The following SHTN1 variants were observed in gnomAD, a reference collection of about 807,000 sequenced individuals.
SHTN1 encodes the protein shootin 1.
In SHTN1, 42 loss-of-function variants were observed where a neutral mutation model predicts 83.1. The ratio of observed to expected loss-of-function variants is 0.51; its 90% CI spans 0.39 to 0.65. The LOEUF (loss-of-function observed/expected upper bound fraction) is 0.65. Among genes scored for constraint, SHTN1 ranks in the 30% least tolerant of loss-of-function variants. The pLI is 0.00. For missense variants in SHTN1, 622 were observed against 737.8 expected (o/e 0.84, Z 1.82); for synonymous variants, 224 against 247.7 (o/e 0.90, Z 0.90).
chr10:116,932,468 C>T (rs1427172490), intron 9 of SHTN1, among the ~76,000 whole-genome samples: 1 of 152,126 alleles, frequency 6.6e-6, no homozygotes, highest in African/African-American at 2.4e-5. Context: ...CCATCCCCCA[C>T]CCTCTTCCCT....
At position 116,944,996 on chromosome 10, in the gene SHTN1, C is replaced by T. The variant is rs1194199434; in HGVS notation, c.639G>A (p.Glu213=). ...CCAGGTTTACTTGCATCTCCTCATACTCTTCTACAGCTAACATGGACACTT... is the reference window on the plus strand; with the variant it reads ...CCAGGTTTACTTGCATCTCCTCATATTCTTCTACAGCTAACATGGACACTT... ...CNRVSMLAVE[E]YEEMQVNLEL... The change falls in exon 8 of 17, where the codon GAG becomes GAA. Residue 213 remains glutamate (E), a synonymous_variant. Coordinates refer to ENST00000355371, the MANE Select transcript of SHTN1 (RefSeq NM_001127211.3). 1 of 1,607,650 alleles carries T rather than the reference C, an allele frequency of 6.2e-7. No homozygotes were observed. The highest frequency in any genetic ancestry group is 8.5e-7 in the Non-Finnish European group (1 of 1,174,358).
intron 1 of SHTN1, among the ~76,000 whole-genome samples, chr10:117,087,107 T>G (rs965874842): frequency 1.3e-5 from 2 of 152,122 alleles, no homozygotes; most frequent in African/African-American, 2.4e-5. Flanking sequence ...AGGGTCTGGA[T>G]AGAGGAAGAA....
chr10:116,888,075 G>A (rs1338046869), intron 16 of SHTN1, among the ~76,000 whole-genome samples: 7 of 152,100 alleles, frequency 4.6e-5, no homozygotes, highest in Admixed American at 3.3e-4. Flanking sequence ...TGTGTGGCTC[G>A]GTCATCATCC....
chr10:116,976,644 T>C (rs975997502), intron 2 of SHTN1, among the ~76,000 whole-genome samples: 5 of 152,188 alleles, frequency 3.3e-5, no homozygotes, highest in African/African-American at 4.8e-5. Context: ...AAAATGCTGT[T>C]CTCCATTTAC....
At chr10:117,051,552 A>G (rs1215785065) in intron 1 of SHTN1, among the ~76,000 whole-genome samples, 2 of 152,134 alleles carry the variant, frequency 1.3e-5, no homozygotes, top group African/African-American at 4.8e-5. Flanking sequence ...GCTCATTAGA[A>G]TAATTATACA....
chr10:117,101,436 C>G (rs1044433328), intron 1 of SHTN1, among the ~76,000 whole-genome samples: 2 of 152,138 alleles, frequency 1.3e-5, no homozygotes, highest in Non-Finnish European at 2.9e-5. Flanking sequence ...AAGAGAACAG[C>G]TGGAGAAGGA....
chr10:116,926,974 T>A (rs897450302), intron 11 of SHTN1, among the ~76,000 whole-genome samples: 3 of 152,224 alleles, frequency 2.0e-5, no homozygotes, highest in African/African-American at 7.2e-5. Context: ...AATTCCTGTC[T>A]GCATATGTGA....
At position 116,988,486 on chromosome 10, in the gene SHTN1, A is replaced by AT. The variant is rs576097929; in HGVS notation, c.59-9179dup. Among the ~76,000 whole-genome samples, 109 of 147,624 alleles carry AT rather than the reference A, an allele frequency of 7.4e-4. 2 individuals carry two copies. The South Asian group carries it at 0.022, about 29-fold the overall frequency. On this transcript the variant is annotated intron_variant, in intron 1 of 16. Coordinates refer to ENST00000355371, the MANE Select transcript of SHTN1 (RefSeq NM_001127211.3). ...TTATATTTTTATTTTATTATTTTAT[A>AT]TTTTTTCTTTTACTTATTTTTTATA...
intron 1 of SHTN1, among the ~76,000 whole-genome samples, chr10:117,117,051 G>A (rs1853859226): frequency 6.6e-6 from 1 of 151,984 alleles, no homozygotes; most frequent in African/African-American, 2.4e-5. Flanking sequence ...TAGAAGTCCT[G>A]GCTAGAGCAA....
intron 5 of SHTN1, among the ~76,000 whole-genome samples, chr10:116,953,363 G>A (rs1412382013): frequency 2.0e-5 from 3 of 152,066 alleles, no homozygotes; most frequent in Non-Finnish European, 4.4e-5. Flanking sequence ...TTGACATATA[G>A]TACATATCCT....
At position 116,901,893 on chromosome 10, in the gene SHTN1, A is replaced by T; in HGVS notation, c.1545T>A (p.Ser515Arg). 2 of 1,608,326 alleles carry T rather than the reference A, an allele frequency of 1.2e-6. No homozygotes were observed. The highest frequency in any genetic ancestry group is 1.7e-6 in the Non-Finnish European group (2 of 1,178,068). Residue 515 changes from serine (S) to arginine (R), a missense_variant, in exon 16 of 17, where the codon AGT (serine) becomes AGA (arginine). Around this residue, in one of 3 missense-constraint regions of SHTN1, gnomAD observed 231 missense variants for 251.6 expected, o/e 0.92. Coordinates refer to ENST00000355371, the MANE Select transcript of SHTN1 (RefSeq NM_001127211.3). ...KSMPVLGSVSSVTKTALNKKT... is the reference protein window; with the variant it reads ...KSMPVLGSVSRVTKTALNKKT... ...TCTTGTTCAAGGCTGTTTTTGTTAC[A>T]CTGGATACAGAACCCAACACTGGCA...
At chr10:116,896,287 C>A (rs369123490) in intron 16 of SHTN1, among the ~76,000 whole-genome samples, 1 of 152,166 alleles carries the variant, frequency 6.6e-6, no homozygotes, top group Non-Finnish European at 1.5e-5. Context: ...AAGGCAATTT[C>A]ACCCACACTG....
At chr10:116,886,871 C>T (rs1847180970) in intron 16 of SHTN1, among the ~76,000 whole-genome samples, 1 of 152,212 alleles carries the variant, frequency 6.6e-6, no homozygotes, top group African/African-American at 2.4e-5. Context: ...GCGTAAAGCT[C>T]ATGGACAAAC....
In SHTN1 at chr10:116,979,317, A is replaced by G; in HGVS notation, c.59-9T>C. 1 of 1,612,790 alleles carries G rather than the reference A, an allele frequency of 6.2e-7. No individual in the cohort carries two copies. The highest frequency in any genetic ancestry group is 1.1e-5 in the South Asian group (1 of 91,058). ...TTCATATTCGCCTATTGCTAAAAGAAAAAAGGAAAGCAACATTACAACACT... is the reference window on the plus strand; with the variant it reads ...TTCATATTCGCCTATTGCTAAAAGAGAAAAGGAAAGCAACATTACAACACT... On this transcript the variant is annotated splice_polypyrimidine_tract_variant and intron_variant, in intron 1 of 16. Coordinates refer to ENST00000355371, the MANE Select transcript of SHTN1 (RefSeq NM_001127211.3).
At chr10:117,116,561 A>C (rs944089941) in intron 1 of SHTN1, among the ~76,000 whole-genome samples, 1 of 152,154 alleles carries the variant, frequency 6.6e-6, no homozygotes, top group South Asian at 2.1e-4. Context: ...TTCATTCTAT[A>C]AGGCCAACAT....
intron 12 of SHTN1, among the ~76,000 whole-genome samples, chr10:116,921,209 A>G (rs1848552649): frequency 6.6e-6 from 1 of 152,078 alleles, no homozygotes; most frequent in Non-Finnish European, 1.5e-5. Flanking sequence ...TAATGAAAAT[A>G]TATTTGCCAG....
chr10:117,125,754 G>A (rs1244423881), intron 1 of SHTN1, among the ~76,000 whole-genome samples: 1 of 152,014 alleles, frequency 6.6e-6, no homozygotes, highest in African/African-American at 2.4e-5. Flanking sequence ...CAGGCTGTCT[G>A]CCCATCCCTG....
chr10:116,992,465 ATG>A (rs1851473167), intron 1 of SHTN1, among the ~76,000 whole-genome samples: 1 of 152,228 alleles, frequency 6.6e-6, no homozygotes, highest in Non-Finnish European at 1.5e-5. Context: ...ATGCCAGCAA[ATG>A]CTGTTCAACA....
At chr10:116,899,334 G>A (rs1423626839) in intron 16 of SHTN1, among the ~76,000 whole-genome samples, 1 of 152,146 alleles carries the variant, frequency 6.6e-6, no homozygotes, top group East Asian at 1.9e-4. Context: ...GGGTGGCCAG[G>A]GTAGGCCTCA....
Sources: allele counts gnomAD v4.1 joint callset (sites outside exome capture counted in the v4.1 genomes callset), GRCh38; gene constraint gnomAD v4.1.1; regional missense constraint gnomAD v4.1.1; transcripts MANE v1.5; gene names NCBI Gene and HGNC (gene_info 2026-07-23, HGNC 2026-07-21).